Variants in PLA2G4E observed in about 807,000 individuals in gnomAD.
PLA2G4E encodes phospholipase A2 group IVE, also known as cytosolic phospholipase A2 epsilon.
Under a neutral mutation model 109.1 loss-of-function variants are expected in PLA2G4E, and 84 were observed. The observed-to-expected ratio is 0.77, with a 90% confidence interval of 0.65 to 0.92. The LOEUF is 0.92. Among genes scored for constraint, PLA2G4E ranks in the 40% least tolerant of loss-of-function variants. The pLI, the probability that PLA2G4E is intolerant of heterozygous loss-of-function variation, is 0.00. For synonymous variants in PLA2G4E, 469 were observed against 436.1 expected (o/e 1.08, Z -0.94); for missense variants, 1,057 against 1,076.6 (o/e 0.98, Z 0.25).
intron 1 of PLA2G4E, among the ~76,000 whole-genome samples, chr15:42,043,680 G>A (rs1275723847): frequency 2.0e-5 from 3 of 152,002 alleles, no homozygotes; most frequent in Non-Finnish European, 4.4e-5. Flanking sequence ...GAAAGAGCAG[G>A]AGATCTAGAG....
intron 2 of PLA2G4E, among the ~76,000 whole-genome samples, chr15:42,010,475 C>T (rs1476742279): frequency 6.6e-6 from 1 of 152,228 alleles, no homozygotes; most frequent in Non-Finnish European, 1.5e-5. Context: ...GCTGCTTCCC[C>T]TGTCCACCCC....
At position 42,028,430 on chromosome 15, in the gene PLA2G4E, G is replaced by A. The variant is rs562970516; in HGVS notation, c.184-14673C>T. On this transcript the variant is annotated intron_variant, in intron 1 of 19. Transcript: ENST00000399518. ...TTATTTATTTATTATTTTTTGAGAC[G>A]GAGTCTCACTCTGTTGCCCAGGCTG... Among the ~76,000 whole-genome samples the A allele has an allele frequency of 2.9e-3, 237 of 81,706 alleles. 1 individual carries two copies. The highest frequency in any genetic ancestry group is 4.2e-3 in the Non-Finnish European group (164 of 38,620). The allele number at this position is 81,706 out of a possible 152,430, so 53.6% of individuals were successfully genotyped here. A position where few individuals can be genotyped will look rare whatever the true frequency, so the allele number is the denominator to read the frequency against.
intron 5 of PLA2G4E, 93 bp downstream of exon 5, chr15:42,004,845 A>G: frequency 7.3e-7 from 1 of 1,377,936 alleles, no homozygotes; most frequent in Non-Finnish European, 1.0e-6. Flanking sequence ...AGGGTGAGGC[A>G]GCAAAAAGGC....
chr15:42,044,535 C>T (rs889295770), intron 1 of PLA2G4E, among the ~76,000 whole-genome samples: 3 of 147,890 alleles, frequency 2.0e-5, no homozygotes, highest in Non-Finnish European at 4.4e-5. Context: ...TAAGCAAGGA[C>T]AAAAAACCAA....
chr15:42,023,590 G>C (rs1176424547), intron 1 of PLA2G4E, among the ~76,000 whole-genome samples: 1 of 152,052 alleles, frequency 6.6e-6, no homozygotes, highest in Non-Finnish European at 1.5e-5. Context: ...GCTAAGTCCA[G>C]GAGTTTCTGT....
chr15:42,001,013 T>G (rs1595564359), intron 7 of PLA2G4E, 144 bp downstream of exon 7: 91 of 757,290 alleles, frequency 1.2e-4, no homozygotes, highest in Middle Eastern at 7.8e-4. Context: ...CCCCTGGGGG[T>G]GAGATGATTC....
intron 1 of PLA2G4E, among the ~76,000 whole-genome samples, chr15:42,016,918 C>T (rs559713453): frequency 2.0e-5 from 3 of 152,238 alleles, no homozygotes; most frequent in Non-Finnish European, 2.9e-5. Flanking sequence ...GCTGGAGACA[C>T]AGCTGTGGCC....
At chr15:42,023,344 C>T (rs1347839482) in intron 1 of PLA2G4E, among the ~76,000 whole-genome samples, 2 of 151,272 alleles carry the variant, frequency 1.3e-5, no homozygotes, top group African/African-American at 4.9e-5. Context: ...TCATTCCATA[C>T]TAGATTAGGG....
chr15:42,049,083 G>C (rs897175208), intron 1 of PLA2G4E, among the ~76,000 whole-genome samples: 60 of 152,334 alleles, frequency 3.9e-4, no homozygotes, highest in African/African-American at 1.3e-3. Context: ...CTAGAACGGA[G>C]GCAGAGTCAG....
At chr15:41,984,099 TACACACGCACACCCTC>T in intron 19 of PLA2G4E, 125 bp from the exon 20 acceptor site, 1 of 861,192 alleles carries the variant, frequency 1.2e-6, no homozygotes, top group Middle Eastern at 3.4e-4. Flanking sequence ...TGAAAACCTG[TACACACGCACACCCTC>T]ACACACGCAC....
At chr15:42,007,784 C>T (rs770497185) in exon 3 of PLA2G4E, 1 of 1,612,352 alleles carries the variant, frequency 6.2e-7, no homozygotes, top group Non-Finnish European at 8.5e-7. Flanking sequence ...TGGATTTGGG[C>T]AGTTGGAGAT....
chr15:42,002,745 G>A (rs1443445178), intron 5 of PLA2G4E, 49 bp from the exon 6 acceptor site: 2 of 1,491,476 alleles, frequency 1.3e-6, no homozygotes, highest in Non-Finnish European at 1.8e-6. Flanking sequence ...TTCTTGACTG[G>A]TTTCTTCTAA....
intron 1 of PLA2G4E, among the ~76,000 whole-genome samples, chr15:42,016,693 T>C (rs775508252): frequency 1.3e-5 from 2 of 152,210 alleles, no homozygotes; most frequent in Non-Finnish European, 2.9e-5. Flanking sequence ...GGTCACGTTA[T>C]TTAGCCCCTT....
intron 2 of PLA2G4E, among the ~76,000 whole-genome samples, chr15:42,010,444 T>C (rs2068525035): frequency 6.6e-6 from 1 of 152,190 alleles, no homozygotes; most frequent in Non-Finnish European, 1.5e-5. Context: ...AAGCATTAGT[T>C]TTTCAGTTCT....
At chr15:42,030,354 C>A (rs982741507) in intron 1 of PLA2G4E, among the ~76,000 whole-genome samples, 3 of 152,162 alleles carry the variant, frequency 2.0e-5, no homozygotes, top group Non-Finnish European at 4.4e-5. Context: ...GCTCCTGGAG[C>A]AAGTGGTAGC....
chr15:42,037,438 G>A (rs1889237173), intron 1 of PLA2G4E, among the ~76,000 whole-genome samples: 1 of 152,236 alleles, frequency 6.6e-6, no homozygotes, highest in South Asian at 2.1e-4. Flanking sequence ...TTGAACACTA[G>A]TAGGGACGCC....
At chr15:42,031,401 T>C (rs28422161) in intron 1 of PLA2G4E, among the ~76,000 whole-genome samples, 35,043 of 152,036 alleles carry the variant, frequency 0.23, 4,250 homozygotes, top group South Asian at 0.38. Flanking sequence ...CTGGGTCTGA[T>C]TGATGTTTTT....
intron 1 of PLA2G4E, among the ~76,000 whole-genome samples, chr15:42,019,373 G>T (rs2068626356): frequency 1.3e-5 from 2 of 152,252 alleles, no homozygotes; most frequent in African/African-American, 4.8e-5. Context: ...GGGGTCTGGG[G>T]AAGGGTCTGA....
chr15:42,035,174 C>A (rs1566850338), intron 1 of PLA2G4E, among the ~76,000 whole-genome samples: 1 of 152,216 alleles, frequency 6.6e-6, no homozygotes. Context: ...GGGAAGAGAT[C>A]TTCCAAGTTC....
Sources: allele counts gnomAD v4.1 joint callset (sites outside exome capture counted in the v4.1 genomes callset), GRCh38; gene constraint gnomAD v4.1.1; transcripts MANE v1.5; gene names NCBI Gene and HGNC (gene_info 2026-07-23, HGNC 2026-07-21).